The following CFAP74 variants were observed in gnomAD, a reference collection of about 807,000 sequenced individuals.
CFAP74 encodes the protein cilia- and flagella-associated protein 74.
In CFAP74, 124 loss-of-function variants were observed where a neutral mutation model predicts 188.9. The ratio of observed to expected loss-of-function variants is 0.66; its 90% CI spans 0.57 to 0.76. CFAP74 has a LOEUF of 0.76. Among genes scored for constraint, CFAP74 ranks in the 30% least tolerant of loss-of-function variants. The pLI, the probability that CFAP74 is intolerant of heterozygous loss-of-function variation, is 0.00. For missense variants in CFAP74, 2,198 were observed against 2,165.2 expected, an observed-to-expected ratio of 1.02 and a Z score of -0.30; for synonymous variants, 956 against 916.7, an observed-to-expected ratio of 1.04 and a Z score of -0.77.
chr1:1,925,865 G>T lies in CFAP74; in HGVS notation c.4022C>A (p.Ser1341Tyr), dbSNP rs1422176371. Residue 1341 changes from serine to tyrosine, a missense_variant, in exon 33 of 39, where the codon TCC becomes TAC. Transcript: ENST00000682832. ...GCCTTCAATGGAGCACGTGATCATG[G>T]ACGCCACGCCAGTGCCCATGAGGGT... Reference protein sequence around the residue: ...TLTLMGTGVASMITCSIEGSV... With the variant: ...TLTLMGTGVAYMITCSIEGSV... The T allele has an allele frequency of 6.2e-7, 1 of 1,612,724 alleles. No homozygotes were observed. The highest frequency in any genetic ancestry group is 8.5e-7 in the Non-Finnish European group (1 of 1,179,928).
intron 21 of CFAP74, among the ~76,000 whole-genome samples, chr1:1,943,481 C>T (rs1484534387): frequency 6.6e-6 from 1 of 152,254 alleles, no homozygotes; most frequent in Non-Finnish European, 1.5e-5. Context: ...CCTCTGTGTC[C>T]GCACACCCTG....
chr1:1,996,219 G>A (rs181750832), intron 1 of CFAP74, among the ~76,000 whole-genome samples: 30 of 152,168 alleles, frequency 2.0e-4, no homozygotes, highest in African/African-American at 3.4e-4. Flanking sequence ...TCAAGACCTC[G>A]GGTAATCCGC....
intron 5 of CFAP74, among the ~76,000 whole-genome samples, chr1:1,985,905 C>T (rs1657205722): frequency 6.6e-6 from 1 of 152,264 alleles, no homozygotes; most frequent in African/African-American, 2.4e-5. Flanking sequence ...CATCCAGTGC[C>T]AGCCCAGCCA....
At chr1:1,925,597 C>T (rs1651820086) in intron 33 of CFAP74, among the ~76,000 whole-genome samples, 186 bp downstream of exon 33, 1 of 152,152 alleles carries the variant, frequency 6.6e-6, no homozygotes, top group South Asian at 2.1e-4. Context: ...CAGAAACAGG[C>T]CCCGGGTTCC....
intron 20 of CFAP74, among the ~76,000 whole-genome samples, 164 bp from the exon 21 acceptor site, chr1:1,944,616 T>C (rs969860602): frequency 1.3e-5 from 2 of 151,860 alleles, no homozygotes; most frequent in Non-Finnish European, 2.9e-5. Flanking sequence ...CAAAATATTC[T>C]TTTTTTTTGA....
In CFAP74 at chr1:1,923,772, C is replaced by T. The variant is rs1651587530; in HGVS notation, c.4389+3G>A. 1 of 1,613,180 alleles carries T rather than the reference C, an allele frequency of 6.2e-7. No homozygotes were observed. The highest frequency in any genetic ancestry group is 1.1e-5 in the South Asian group (1 of 91,090). On this transcript the variant is annotated splice_donor_region_variant and intron_variant, in intron 35 of 38. Transcript: ENST00000682832. The surrounding 1 kb of genome is among the most constrained non-coding windows in gnomAD (Gnocchi z 6.3). ...GGCTGAGCTTGCAGAGCCAGAGCCG[C>T]ACCTTTTCAAAGAGCACCACCTGGA...
chr1:1,999,054 G>A (rs1658069196), intron 1 of CFAP74, among the ~76,000 whole-genome samples: 1 of 152,146 alleles, frequency 6.6e-6, no homozygotes, highest in African/African-American at 2.4e-5. Flanking sequence ...GTGTCTACAT[G>A]CAAGAGCAAG....
At chr1:1,934,415 TAC>T (rs1652669623) in intron 25 of CFAP74, among the ~76,000 whole-genome samples, 1 of 122,590 alleles carries the variant, frequency 8.2e-6, no homozygotes, top group African/African-American at 3.2e-5. Flanking sequence ...CACACGTGTG[TAC>T]ATGTGTGTTG....
intron 1 of CFAP74, among the ~76,000 whole-genome samples, chr1:1,996,623 G>C (rs1180157546): frequency 1.3e-5 from 2 of 152,234 alleles, no homozygotes; most frequent in East Asian, 3.9e-4. Flanking sequence ...ACAGAAAGAA[G>C]GTCTCCTGAA....
chr1:1,987,157 G>C, intron 4 of CFAP74, 122 bp from the exon 5 acceptor site: 1 of 712,494 alleles, frequency 1.4e-6, no homozygotes, highest in South Asian at 1.8e-5. Flanking sequence ...CCCTCACCCG[G>C]GCCAGGGGTC....
At chr1:1,970,914 CA>C in intron 9 of CFAP74, 98 bp from the exon 10 acceptor site, 1 of 1,286,156 alleles carries the variant, frequency 7.8e-7, no homozygotes, top group Non-Finnish European at 1.1e-6. Context: ...CATACATGCA[CA>C]CGTGCACACA....
Position 1,942,112 on chromosome 1 carries a change from A to C in CFAP74, c.2531T>G (p.Leu844Arg). The change falls in exon 22 of 39, where the codon CTG (leucine) becomes CGG (arginine). Residue 844 changes from leucine (L) to arginine (R), a missense_variant. Leu to Arg is a moderately radical substitution (Grantham distance 102). Transcript: ENST00000682832. This position sits in a 1 kb window ranked among gnomAD's most constrained non-coding sequence, Gnocchi z 4.3. ...GGGCAGGAGCTCCAGGTGGGCCCTC[A>C]GCTCCTTGCACACCTCGAACTTCAG... ...LRLKFEVCKELRAHLELLPKT... is the reference protein window; with the variant it reads ...LRLKFEVCKERRAHLELLPKT... 6.5e-7 allele frequency: 1 copy of C among 1,531,702 alleles called. No individual in the cohort carries two copies. The highest frequency in any genetic ancestry group is 8.7e-7 in the Non-Finnish European group (1 of 1,145,118). The allele number at this position is 1,531,702 out of a possible 1,614,324, so 94.9% of individuals were successfully genotyped here.
At chr1:1,969,342 C>G (rs1167375465) in intron 10 of CFAP74, among the ~76,000 whole-genome samples, 2 of 147,032 alleles carry the variant, frequency 1.4e-5, no homozygotes, top group African/African-American at 5.1e-5. Context: ...CCAGCCCTGC[C>G]CTGCCCAGCC....
At chr1:2,003,537 G>C (rs1173416305) in intron 1 of CFAP74, among the ~76,000 whole-genome samples, 164 bp downstream of exon 1, 1 of 152,154 alleles carries the variant, frequency 6.6e-6, no homozygotes, top group Non-Finnish European at 1.5e-5. Flanking sequence ...CCAGCGCCGG[G>C]GTTCCCTGAA....
At chr1:1,927,076 A>T in intron 28 of CFAP74, 48 bp from the exon 29 acceptor site, 1 of 1,548,588 alleles carries the variant, frequency 6.5e-7, no homozygotes, top group Non-Finnish European at 8.7e-7. Flanking sequence ...CCCACCCACC[A>T]TCGGCCCAGG....
rs368263376 is a variant in CFAP74 at position 1,972,921 on chromosome 1, C to T, written c.785+16G>A. The stretch of plus-strand genomic sequence containing the variant: ...TTCTTGGGTTTCTCCTTAAGGACGT[C>T]GAAGGGAGGCCCTACCTTCCCAGGG... On this transcript the variant is annotated intron_variant, in intron 8 of 38. Transcript: ENST00000682832. 6.9e-5 allele frequency: 108 copies of T among 1,566,514 alleles called. No homozygotes were observed. The highest frequency in any genetic ancestry group is 8.0e-5 in the Non-Finnish European group (91 of 1,137,088).
At chr1:1,950,163 T>C (rs1210153198) in intron 18 of CFAP74, among the ~76,000 whole-genome samples, 1 of 152,170 alleles carries the variant, frequency 6.6e-6, no homozygotes, top group Non-Finnish European at 1.5e-5. Context: ...TTAAACTTGT[T>C]GTTCTTTGTT....
intron 1 of CFAP74, among the ~76,000 whole-genome samples, chr1:1,995,044 C>T (rs537212719): frequency 2.6e-5 from 4 of 152,232 alleles, no homozygotes; most frequent in Admixed American, 1.3e-4. Context: ...TCAGGTGGTC[C>T]TCCAGTGGGA....
chr1:1,985,285 G>A, intron 6 of CFAP74, 101 bp downstream of exon 6: 4 of 982,456 alleles, frequency 4.1e-6, no homozygotes, highest in Non-Finnish European at 4.8e-6. Flanking sequence ...TTGCCGGTCA[G>A]GTGCAAAACC....
Sources: allele counts gnomAD v4.1 joint callset (sites outside exome capture counted in the v4.1 genomes callset), GRCh38; gene constraint gnomAD v4.1.1; non-coding constraint Gnocchi (gnomAD v3.1); transcripts MANE v1.5; gene names NCBI Gene and HGNC (gene_info 2026-07-23, HGNC 2026-07-21).